ANKS1B: variants seen among roughly 807,000 people sequenced by gnomAD.
The protein encoded by ANKS1B is ankyrin repeat and sterile alpha motif domain-containing protein 1B.
A neutral mutation model predicts 148.3 loss-of-function variants in ANKS1B; 36 were observed. That is an observed-to-expected ratio of 0.24 (90% CI 0.19 to 0.32). The LOEUF is 0.32. ANKS1B is among the 10% of genes least tolerant of loss of function. The pLI is 1.00. For synonymous variants in ANKS1B, 542 were observed against 560.8 expected (o/e 0.97, Z 0.47); for missense variants, 1,157 against 1,542.6 (o/e 0.75, Z 4.19).
At chr12:99,665,314 C>T (rs775102481) in intron 8 of ANKS1B, among the ~76,000 whole-genome samples, 9 of 152,074 alleles carry the variant, frequency 5.9e-5, no homozygotes, top group African/African-American at 1.2e-4. Flanking sequence ...GTAGAGTTAT[C>T]GCAATAGTAT....
chr12:98,977,645 G>T (rs1475399041), intron 17 of ANKS1B, among the ~76,000 whole-genome samples: 1 of 152,092 alleles, frequency 6.6e-6, no homozygotes, highest in Admixed American at 6.5e-5. Flanking sequence ...TCAACACATG[G>T]TTGTCACAGA....
intron 12 of ANKS1B, among the ~76,000 whole-genome samples, chr12:99,319,907 C>G (rs1464874083): frequency 6.6e-6 from 1 of 152,164 alleles, no homozygotes; most frequent in Non-Finnish European, 1.5e-5. Flanking sequence ...AGTCTCTCAG[C>G]ATTTGTTTGT....
rs531891853 is a variant in ANKS1B, at chr12:99,504,506, C to G, written c.1408G>C (p.Glu470Gln). The change falls in exon 10 of 27, where the codon GAA becomes CAA. Residue 470 changes from glutamate to glutamine, a missense_variant. By Grantham distance (29) the Glu-to-Gln change is conservative. Transcript: ENST00000683438. ...TAVTKKPCSL[E>Q]IARAPSPRTD... ...CTTGGGGAAGGTGCCCTTGCAATTT[C>G]TAAGGAGCAAGGTTTCTTTGTAACA... 8 of 1,612,124 alleles carry G rather than the reference C, an allele frequency of 5.0e-6. No individual in the cohort carries two copies. The highest frequency in any genetic ancestry group is 2.7e-5 in the African/African-American group (2 of 74,926).
intron 25 of ANKS1B, among the ~76,000 whole-genome samples, chr12:98,771,472 A>G (rs1256671764): frequency 6.6e-6 from 1 of 151,814 alleles, no homozygotes; most frequent in Non-Finnish European, 1.5e-5. Context: ...CCTGGCCAAG[A>G]GTAACTTTTT....
At chr12:99,005,755 TA>T (rs1344078348) in intron 17 of ANKS1B, among the ~76,000 whole-genome samples, 5 of 152,002 alleles carry the variant, frequency 3.3e-5, no homozygotes, top group Admixed American at 1.3e-4. Context: ...ACTCATAAAA[TA>T]AAACCTTAAC....
intron 14 of ANKS1B, among the ~76,000 whole-genome samples, chr12:99,203,583 T>A (rs566396808): frequency 6.6e-6 from 1 of 152,186 alleles, no homozygotes; most frequent in African/African-American, 2.4e-5. Flanking sequence ...CCCAAGTAGC[T>A]GGGACTACAG....
intron 17 of ANKS1B, among the ~76,000 whole-genome samples, chr12:99,023,103 A>G (rs796187809): frequency 2.6e-4 from 39 of 152,206 alleles, no homozygotes; most frequent in African/African-American, 9.4e-4. Flanking sequence ...TTGTTGTCTA[A>G]TATTTTATAT....
At chr12:99,525,956 GATA>G (rs1479622728) in intron 9 of ANKS1B, among the ~76,000 whole-genome samples, 8 of 151,722 alleles carry the variant, frequency 5.3e-5, no homozygotes, top group African/African-American at 1.7e-4. Flanking sequence ...TATATATAAA[GATA>G]ATAATAAATT....
chr12:98,931,557 A>T (rs932604053), intron 17 of ANKS1B: 8 of 152,340 alleles, frequency 5.3e-5, no homozygotes, highest in East Asian at 3.9e-4. Context: ...TATTTAAACC[A>T]GAGACAGAAC....
rs550786299 is a variant in ANKS1B, at chr12:98,829,504, A to G, written c.2887-151T>C. Among the ~76,000 whole-genome samples, 3 of 152,330 alleles carry G rather than the reference A, an allele frequency of 2.0e-5. No homozygotes were observed. The East Asian group carries it at 5.8e-4, about 29-fold the overall frequency. On this transcript the variant is annotated intron_variant, in intron 18 of 26. Coordinates refer to ENST00000683438, the MANE Select transcript of ANKS1B (RefSeq NM_001352186.2). The surrounding 1 kb of genome is among the most constrained non-coding windows in gnomAD (Gnocchi z 5.2). Reference sequence around the variant, plus strand: ...ATGAATGACATTCCACCACTTTATTAATGGCATGATCTAGTCAATACGTTT... The same window carrying G: ...ATGAATGACATTCCACCACTTTATTGATGGCATGATCTAGTCAATACGTTT...
intron 17 of ANKS1B, among the ~76,000 whole-genome samples, chr12:99,043,844 A>G (rs2099960610): frequency 6.6e-6 from 1 of 152,220 alleles, no homozygotes; most frequent in Non-Finnish European, 1.5e-5. Context: ...GTTAACCATT[A>G]TAATTTACTT....
chr12:99,435,404 G>T (rs1262355230), intron 11 of ANKS1B, among the ~76,000 whole-genome samples: 1 of 152,030 alleles, frequency 6.6e-6, no homozygotes, highest in Non-Finnish European at 1.5e-5. Context: ...AACTTTAAAA[G>T]GTTCCCAAAT....
chr12:98,858,667 T>C (rs1166279192), intron 17 of ANKS1B, among the ~76,000 whole-genome samples: 1 of 152,058 alleles, frequency 6.6e-6, no homozygotes, highest in Non-Finnish European at 1.5e-5. Context: ...TAGCAGAGCT[T>C]TGAGAGATAG....
At chr12:99,928,556 G>A (rs1283813602) in intron 1 of ANKS1B, among the ~76,000 whole-genome samples, 2 of 152,088 alleles carry the variant, frequency 1.3e-5, no homozygotes, top group East Asian at 3.9e-4. Context: ...GGGATTACAG[G>A]CGTGAGCCAC....
intron 14 of ANKS1B, among the ~76,000 whole-genome samples, chr12:99,156,924 A>T (rs1186756955): frequency 1.3e-5 from 2 of 152,164 alleles, no homozygotes; most frequent in African/African-American, 2.4e-5. Flanking sequence ...TTTCAAATTT[A>T]AAAAAAGTTT....
chr12:99,713,342 A>C (rs1005899216), intron 8 of ANKS1B, among the ~76,000 whole-genome samples: 3 of 152,302 alleles, frequency 2.0e-5, no homozygotes, highest in African/African-American at 7.2e-5. Flanking sequence ...AAATCTTCTA[A>C]CTTTAGCAGT....
chr12:98,883,453 A>C (rs2099721255), intron 17 of ANKS1B, among the ~76,000 whole-genome samples: 1 of 152,230 alleles, frequency 6.6e-6, no homozygotes, highest in South Asian at 2.1e-4. Flanking sequence ...TCATTGCAAC[A>C]AACAGAGACT....
intron 1 of ANKS1B, among the ~76,000 whole-genome samples, chr12:99,924,614 A>G (rs903545079): frequency 6.6e-6 from 1 of 152,162 alleles, no homozygotes. Context: ...GGAAGTAATC[A>G]TGTCATGACA....
At chr12:99,894,096 T>C (rs754635089) in intron 1 of ANKS1B, among the ~76,000 whole-genome samples, 1 of 151,618 alleles carries the variant, frequency 6.6e-6, no homozygotes, top group Non-Finnish European at 1.5e-5. Context: ...CTGACAAAAT[T>C]TCCCAGAAAG....
Sources: gnomAD v4.1 joint callset for allele counts (sites outside exome capture counted in the v4.1 genomes callset) on GRCh38, gnomAD v4.1.1 for gene constraint, Gnocchi (gnomAD v3.1) non-coding constraint, MANE v1.5 for transcripts, NCBI Gene and HGNC (gene_info 2026-07-23, HGNC 2026-07-21) for gene names.